The following YAP1 variants were observed in gnomAD, a reference collection of about 807,000 sequenced individuals.
YAP1 encodes Yes1 associated transcriptional regulator.
Under a neutral mutation model 56.9 loss-of-function variants are expected in YAP1, and 5 were observed. That is an observed-to-expected ratio of 0.09 (90% confidence interval 0.05 to 0.18). The LOEUF (loss-of-function observed/expected upper bound fraction) is 0.18. YAP1 is among the 10% of genes least tolerant of loss of function. The probability of loss-of-function intolerance (pLI) is 1.00; values close to 1 mark genes in which losing one functional copy is unlikely to be tolerated. For synonymous variants in YAP1, 265 were observed against 248.1 expected (o/e 1.07, Z -0.64); for missense variants, 539 against 651.8 (o/e 0.83, Z 1.88).
intron 7 of YAP1, 102 bp from the exon 8 acceptor site, chr11:102,227,367 T>G: frequency 1.3e-6 from 1 of 794,534 alleles, no homozygotes; most frequent in East Asian, 2.7e-5. Flanking sequence ...TTTTCACTAA[T>G]CCTCTTTGAG....
intron 6 of YAP1, 97 bp downstream of exon 6, chr11:102,209,661 G>A (rs1949297797): frequency 9.0e-7 from 1 of 1,113,738 alleles, no homozygotes; most frequent in South Asian, 1.7e-5. Context: ...GTCCTTATTG[G>A]ACATTAGCCC....
At chr11:102,170,726 T>C (rs1046094758) in intron 3 of YAP1, among the ~76,000 whole-genome samples, 3 of 152,156 alleles carry the variant, frequency 2.0e-5, no homozygotes, top group Non-Finnish European at 2.9e-5. Context: ...CCCAGCACTT[T>C]GGAAGGCCGA....
At chr11:102,212,765 G>C (rs1159771615) in intron 6 of YAP1, among the ~76,000 whole-genome samples, 1 of 152,060 alleles carries the variant, frequency 6.6e-6, no homozygotes, top group East Asian at 1.9e-4. Context: ...GTTTTTGGTA[G>C]AGACAGGGTT....
intron 2 of YAP1, among the ~76,000 whole-genome samples, chr11:102,156,968 A>ATT (rs1443461095): frequency 6.6e-6 from 1 of 152,200 alleles, no homozygotes; most frequent in African/African-American, 2.4e-5. Context: ...GCAAATGTTA[A>ATT]TTTTATCAAA....
At chr11:102,119,272 A>T (rs948616220) in intron 2 of YAP1, among the ~76,000 whole-genome samples, 16 of 152,192 alleles carry the variant, frequency 1.1e-4, no homozygotes, top group African/African-American at 3.9e-4. Flanking sequence ...CAGTTGGAAG[A>T]TAGTAGATGT....
intron 2 of YAP1, among the ~76,000 whole-genome samples, chr11:102,146,914 C>T (rs908077338): frequency 1.3e-5 from 2 of 152,196 alleles, no homozygotes; most frequent in African/African-American, 2.4e-5. Flanking sequence ...TTACTATATT[C>T]AGGGGAATTT....
At chr11:102,191,593 T>C (rs2135533262) in intron 4 of YAP1, among the ~76,000 whole-genome samples, 1 of 152,312 alleles carries the variant, frequency 6.6e-6, no homozygotes, top group South Asian at 2.1e-4. Context: ...AAAATAGTGG[T>C]TAATGCACTT....
At chr11:102,214,344 A>G (rs1254121692) in intron 6 of YAP1, among the ~76,000 whole-genome samples, 1 of 152,208 alleles carries the variant, frequency 6.6e-6, no homozygotes, top group Non-Finnish European at 1.5e-5. Context: ...GGTTTAATGA[A>G]TAATAAAGCC....
intron 6 of YAP1, among the ~76,000 whole-genome samples, chr11:102,215,183 A>T (rs1048551023): frequency 6.6e-6 from 1 of 152,170 alleles, no homozygotes; most frequent in African/African-American, 2.4e-5. Flanking sequence ...AAGAAATGGC[A>T]TTTTTTTCTA....
chr11:102,182,169 C>A (rs1255855815), intron 3 of YAP1, among the ~76,000 whole-genome samples: 1 of 152,158 alleles, frequency 6.6e-6, no homozygotes, highest in Non-Finnish European at 1.5e-5. Flanking sequence ...TCAGCACCAC[C>A]TGGGAATTTT....
At chr11:102,131,506 C>T (rs1372461571) in intron 2 of YAP1, among the ~76,000 whole-genome samples, 2 of 152,170 alleles carry the variant, frequency 1.3e-5, no homozygotes, top group South Asian at 4.1e-4. Context: ...AAAGAGAGAT[C>T]TTGCTGTCTT....
Position 102,223,762 on chromosome 11 carries a change from A to G in YAP1, c.1163+10A>G. ...ATCCTTTCCTTAACAGGTTGGTGAA[A>G]GTTGCTACTGGTGAATATCTGAAAA... On this transcript the variant is annotated intron_variant, in intron 7 of 8. Transcript: ENST00000282441. 1.2e-6 allele frequency: 2 copies of G among 1,613,322 alleles called. No individual in the cohort carries two copies. Among genetic ancestry groups the G allele is most frequent in the East Asian group, 2.2e-5 (1 of 44,850 alleles).
At chr11:102,194,256 GAA>G (rs895651171) in intron 4 of YAP1, among the ~76,000 whole-genome samples, 1 of 152,198 alleles carries the variant, frequency 6.6e-6, no homozygotes, top group Non-Finnish European at 1.5e-5. Context: ...GTAAGAAAAA[GAA>G]AGAGATTATA....
intron 2 of YAP1, among the ~76,000 whole-genome samples, chr11:102,128,936 C>T (rs1944204736): frequency 6.8e-6 from 1 of 146,214 alleles, no homozygotes. Context: ...CTCTCCCTCT[C>T]TTCCTTTTTT....
rs866213201 is a variant in YAP1, at chr11:102,232,761, T to A, written c.*2821T>A. The A allele has an allele frequency of 6.5e-6, 1 of 152,804 alleles. No homozygotes were observed. The highest frequency in any genetic ancestry group is 3.4e-3 in the Middle Eastern group (1 of 294). The allele number at this position is 152,804 out of a possible 1,614,324, so 9.5% of individuals were successfully genotyped here. ...TAAATTTATCAACTTTTTACATTTGTGTTATTTTCAGTCAGGGCTTCTTAG... is the reference window on the plus strand; with the variant it reads ...TAAATTTATCAACTTTTTACATTTGAGTTATTTTCAGTCAGGGCTTCTTAG... On this transcript the variant is annotated 3_prime_UTR_variant, in exon 9 of 9. Coordinates refer to ENST00000282441, the MANE Select transcript of YAP1 (RefSeq NM_001130145.3).
intron 2 of YAP1, among the ~76,000 whole-genome samples, chr11:102,140,751 G>C (rs550688236): frequency 3.1e-4 from 47 of 152,188 alleles, no homozygotes; most frequent in African/African-American, 9.4e-4. Context: ...GGTGAGGCAG[G>C]AGAATCACTT....
At chr11:102,206,225 T>C in intron 5 of YAP1, 151 bp downstream of exon 5, 1 of 923,074 alleles carries the variant, frequency 1.1e-6, no homozygotes, top group South Asian at 2.5e-5. Flanking sequence ...GCCCTGTCCT[T>C]GTCTTAGTTT....
At chr11:102,175,950 A>G (rs1947222803) in intron 3 of YAP1, among the ~76,000 whole-genome samples, 1 of 152,176 alleles carries the variant, frequency 6.6e-6, no homozygotes, top group African/African-American at 2.4e-5. Context: ...CTGCCTAAAA[A>G]TCTTAGTAGT....
intron 7 of YAP1, among the ~76,000 whole-genome samples, chr11:102,223,987 G>A (rs193254605): frequency 6.6e-6 from 1 of 152,182 alleles, no homozygotes; most frequent in Non-Finnish European, 1.5e-5. Context: ...AAGTCATGAC[G>A]TGTTTGCTTC....
Sources: gnomAD v4.1 joint callset for allele counts (sites outside exome capture counted in the v4.1 genomes callset) on GRCh38, gnomAD v4.1.1 for gene constraint, MANE v1.5 for transcripts, NCBI Gene and HGNC (gene_info 2026-07-23, HGNC 2026-07-21) for gene names.